The following SGO1 variants were observed in gnomAD, a reference collection of about 807,000 sequenced individuals.
SGO1 encodes the protein serologically defined breast cancer antigen NY-BR-85.
Under a neutral mutation model 50.5 loss-of-function variants are expected in SGO1, and 39 were observed. The ratio of observed to expected loss-of-function variants is 0.77; its 90% CI spans 0.60 to 1.01. The LOEUF is 1.01. Among genes scored for constraint, SGO1 ranks in the 50% least tolerant of loss-of-function variants. The probability of loss-of-function intolerance (pLI) is 0.00; values close to 1 mark genes in which losing one functional copy is unlikely to be tolerated. For missense variants in SGO1, 638 were observed against 606.0 expected, an observed-to-expected ratio of 1.05 and a Z score of -0.55; for synonymous variants, 191 against 205.1, an observed-to-expected ratio of 0.93 and a Z score of 0.59.
In SGO1 at chr3:20,183,914, A is replaced by G. The variant is rs143576733; in HGVS notation, c.114T>C (p.Ser38=). The change falls in exon 2 of 8, where the codon TCT becomes TCC. Residue 38 remains serine, a synonymous_variant. Transcript: ENST00000412997. ...KNLAEIGKRR[S]FIAAPCQIIT... Reference sequence around the variant, plus strand: ...TTATTTGGCATGGTGCAGCTATAAAAGACCTGCGTTTGCCAATCTCTGCCA... The same window carrying G: ...TTATTTGGCATGGTGCAGCTATAAAGGACCTGCGTTTGCCAATCTCTGCCA... 1.9e-6 allele frequency: 3 copies of G among 1,612,158 alleles called. No homozygotes were observed. Among genetic ancestry groups the G allele is most frequent in the African/African-American group, 2.7e-5 (2 of 74,822 alleles).
In SGO1 at chr3:20,174,554, T is replaced by C. The variant is rs773076379; in HGVS notation, c.977A>G (p.His326Arg). 6.2e-7 allele frequency: 1 copy of C among 1,608,352 alleles called. No individual in the cohort carries two copies. Among genetic ancestry groups the C allele is most frequent in the South Asian group, 1.1e-5 (1 of 88,922 alleles). ...AGCATCATTGGAACTGACAGATTTGTGCATTTTTTTTTGGGGAACAGTTTT... is the reference window on the plus strand; with the variant it reads ...AGCATCATTGGAACTGACAGATTTGCGCATTTTTTTTTGGGGAACAGTTTT... Reference protein sequence around the residue: ...NKKTVPQKKMHKSVSSNDAYN... With the variant: ...NKKTVPQKKMRKSVSSNDAYN... The change falls in exon 6 of 8, where the codon CAC (histidine) becomes CGC (arginine). Residue 326 changes from histidine (H) to arginine (R), a missense_variant. By Grantham distance (29) the His-to-Arg change is conservative. Transcript: ENST00000412997.
At chr3:20,173,850 C>T (rs896752615) in intron 6 of SGO1, among the ~76,000 whole-genome samples, 2 of 152,146 alleles carry the variant, frequency 1.3e-5, no homozygotes, top group East Asian at 3.8e-4. Flanking sequence ...CGGTTCCTGT[C>T]AAATTTAATA....
exon 9 of SGO1, chr3:20,160,729 G>C: frequency 6.5e-6 from 1 of 154,968 alleles, no homozygotes; most frequent in East Asian, 1.9e-4. Flanking sequence ...GGAGAATTTC[G>C]CTTACACAAT....
intron 1 of SGO1, 96 bp from the exon 2 acceptor site, chr3:20,184,130 A>G (rs969249052): frequency 1.1e-6 from 1 of 923,732 alleles, no homozygotes; most frequent in African/African-American, 1.7e-5. Flanking sequence ...TAAATAGACT[A>G]AACTGTAGAA....
rs761667197 is a variant in SGO1 at position 20,174,444 on chromosome 3, C to T, written c.1087G>A (p.Glu363Lys). 28 of 1,613,968 alleles carry T rather than the reference C, an allele frequency of 1.7e-5. No homozygotes were observed. The highest frequency in any genetic ancestry group is 1.6e-4 in the African/African-American group (12 of 74,898). The change falls in exon 6 of 8, where the codon GAG becomes AAG. Residue 363 changes from glutamate (E) to lysine (K), a missense_variant. By Grantham distance (56) the Glu-to-Lys change is moderately conservative. Transcript: ENST00000412997. ...SNDSNREENN[E>K]SEVSLCESSG... ...GATTCACAGAGGCTCACTTCAGACTCGTTGTTTTCTTCTCTATTAGAGTCA... is the reference window on the plus strand; with the variant it reads ...GATTCACAGAGGCTCACTTCAGACTTGTTGTTTTCTTCTCTATTAGAGTCA...
At chr3:20,170,920 C>T in intron 7 of SGO1, 105 bp from the exon 8 acceptor site, 1 of 1,482,864 alleles carries the variant, frequency 6.7e-7, no homozygotes, top group East Asian at 2.4e-5. Flanking sequence ...AATGTTCTCA[C>T]TTCAGTTTTT....
chr3:20,178,350 G>A lies in SGO1; in HGVS notation c.340-3C>T. 1 of 1,604,074 alleles carries A rather than the reference G, an allele frequency of 6.2e-7. No individual in the cohort carries two copies. The highest frequency in any genetic ancestry group is 8.5e-7 in the Non-Finnish European group (1 of 1,171,388). ...CCAGAGGAACATATTTCCTGGTTCT[G>A]TTAATGTATTAAAACAAAACACTGT... On this transcript the variant is annotated splice_polypyrimidine_tract_variant and splice_region_variant and intron_variant, in intron 3 of 7. Transcript: ENST00000412997.
rs940311245 is a variant in SGO1, at chr3:20,174,334, T to C, written c.1197A>G (p.Pro399=). The C allele has an allele frequency of 2.5e-6, 4 of 1,614,082 alleles. No homozygotes were observed. The highest frequency in any genetic ancestry group is 1.3e-5 in the African/African-American group (1 of 74,928). The change falls in exon 6 of 8, where the codon CCA becomes CCG. Residue 399 remains proline (P), a synonymous_variant. Coordinates refer to ENST00000412997, the MANE Select transcript of SGO1 (RefSeq NM_001199251.3). ...IQNPTSNSDR[P]VTRPLAKRAL... ...CTCTTTTAGCTAGAGGCCTGGTGAC[T>C]GGTCTATCTGAATTGCTCGTGGGAT... is the stretch of plus-strand genomic sequence containing the variant.
rs138840768 is a variant in SGO1 at position 20,182,036 on chromosome 3, T to C, written c.339+1572A>G. On this transcript the variant is annotated intron_variant, in intron 3 of 7. Coordinates refer to ENST00000412997, the MANE Select transcript of SGO1 (RefSeq NM_001199251.3). Reference sequence around the variant, plus strand: ...AGGCAGGGGCTCCAGTGAGCTGAGATTGCACCACTGTACTCCACCCTGGGT... The same window carrying C: ...AGGCAGGGGCTCCAGTGAGCTGAGACTGCACCACTGTACTCCACCCTGGGT... 2.0e-3 allele frequency among the ~76,000 whole-genome samples: 305 copies of C among 151,910 alleles called. 1 individual carries two copies. Among genetic ancestry groups the C allele is most frequent in the Non-Finnish European group, 3.3e-3 (224 of 67,958 alleles).
Position 20,175,009 on chromosome 3 carries a change from A to T in SGO1, c.522T>A (p.Asp174Glu), listed in dbSNP as rs1328654195. ...TATCAGTAGACTTAGCTTCACCTGA[A>T]TCAAAATCAACTCCCAGTGTGTCTT... ...IPQDTLGVDF[D>E]SGEAKSTDNV... Residue 174 changes from aspartate (D) to glutamate (E), a missense_variant, in exon 6 of 8, where the codon GAT becomes GAA. Physicochemically the swap from Asp to Glu is conservative, Grantham distance 45. Transcript: ENST00000412997. 3 of 1,592,080 alleles carry T rather than the reference A, an allele frequency of 1.9e-6. No homozygotes were observed. The highest frequency in any genetic ancestry group is 1.3e-5 in the African/African-American group (1 of 74,290).
chr3:20,164,702 A>G (rs989355731), downstream of SGO1, among the ~76,000 whole-genome samples: 2 of 152,228 alleles, frequency 1.3e-5, no homozygotes, highest in Admixed American at 1.3e-4. Flanking sequence ...AAAACATGGT[A>G]GTAGAACTAG....
At chr3:20,184,579 A>C (rs1022560552) in intron 1 of SGO1, among the ~76,000 whole-genome samples, 5 of 152,182 alleles carry the variant, frequency 3.3e-5, no homozygotes, top group Non-Finnish European at 7.4e-5. Context: ...GTCTCAAGAA[A>C]GTCAAGGTAC....
In SGO1 at chr3:20,174,447, T is replaced by C. The variant is rs769779413; in HGVS notation, c.1084A>G (p.Asn362Asp). 1 of 1,614,058 alleles carries C rather than the reference T, an allele frequency of 6.2e-7. No homozygotes were observed. Among genetic ancestry groups the C allele is most frequent in the South Asian group, 1.1e-5 (1 of 91,078 alleles). Reference protein sequence around the residue: ...VSNDSNREENNESEVSLCESS... With the variant: ...VSNDSNREENDESEVSLCESS... The stretch of plus-strand genomic sequence containing the variant: ...TCACAGAGGCTCACTTCAGACTCGT[T>C]GTTTTCTTCTCTATTAGAGTCATTG... The change falls in exon 6 of 8, where the codon AAC becomes GAC. Residue 362 changes from asparagine to aspartate, a missense_variant. Physicochemically the swap from Asn to Asp is conservative, Grantham distance 23. Transcript: ENST00000412997.
At chr3:20,182,990 C>G (rs1702199792) in intron 3 of SGO1, among the ~76,000 whole-genome samples, 1 of 151,956 alleles carries the variant, frequency 6.6e-6, no homozygotes, top group African/African-American at 2.4e-5. Context: ...TGCACTCTAG[C>G]CTGGGCGACT....
At position 20,174,277 on chromosome 3, in the gene SGO1, C is replaced by T. The variant is rs1701102250; in HGVS notation, c.1254G>A (p.Glu418=). Residue 418 remains glutamate (E), a synonymous_variant, in exon 6 of 8, where the codon GAG becomes GAA. Coordinates refer to ENST00000412997, the MANE Select transcript of SGO1 (RefSeq NM_001199251.3). ...TAGGAGTTTTTGTTGGCTTAGAACCCTCCGTCTCTTTTTCATCTGTGTATT... is the reference window on the plus strand; with the variant it reads ...TAGGAGTTTTTGTTGGCTTAGAACCTTCCGTCTCTTTTTCATCTGTGTATT... The part of the protein sequence containing the change: ...ALKYTDEKET[E]GSKPTKTPTT... 1.2e-6 allele frequency: 2 copies of T among 1,613,978 alleles called. No homozygotes were observed. The highest frequency in any genetic ancestry group is 2.2e-5 in the East Asian group (1 of 44,892).
At chr3:20,162,039 G>C (rs1259614862) in intron 8 of SGO1, among the ~76,000 whole-genome samples, 1 of 152,194 alleles carries the variant, frequency 6.6e-6, no homozygotes, top group Admixed American at 6.5e-5. Context: ...CCAGAGTCCA[G>C]TAATATCATT....
At chr3:20,169,449 T>C (rs1189067780), downstream of SGO1, 1 of 983,968 alleles carries the variant, frequency 1.0e-6, no homozygotes, top group East Asian at 1.1e-4. Flanking sequence ...GATACTCTAT[T>C]TTTGATATTT....
intron 3 of SGO1, among the ~76,000 whole-genome samples, chr3:20,179,241 T>A (rs185752442): frequency 6.6e-6 from 1 of 152,292 alleles, no homozygotes; most frequent in East Asian, 1.9e-4. Context: ...AAGGGGAAGT[T>A]GTGCTTTATA....
In SGO1 at chr3:20,170,340, G is replaced by T. The variant is rs1700586565; in HGVS notation, c.*364C>A. On this transcript the variant is annotated 3_prime_UTR_variant, in exon 8 of 8. Transcript: ENST00000412997. ...TTGAACCTGGGAGGCGGAGGTTGCG[G>T]TAAGCTGAGATCGTGCCATTGCACT... The T allele has an allele frequency of 2.6e-6, 2 of 760,208 alleles. No homozygotes were observed. The highest frequency in any genetic ancestry group is 1.2e-4 in the South Asian group (2 of 16,576). 47.1% of individuals were successfully genotyped at this position (760,208 alleles called of 1,614,324 possible). A position where few individuals can be genotyped will look rare whatever the true frequency, so the allele number is the denominator to read the frequency against.
Sources: gnomAD v4.1 joint callset for allele counts (sites outside exome capture counted in the v4.1 genomes callset) on GRCh38, gnomAD v4.1.1 for gene constraint, MANE v1.5 for transcripts, NCBI Gene and HGNC (gene_info 2026-07-23, HGNC 2026-07-21) for gene names.